FHIT: variants seen among roughly 807,000 people sequenced by gnomAD.
FHIT encodes bis(5'-adenosyl)-triphosphatase.
In FHIT, 19 loss-of-function variants were observed where a neutral mutation model predicts 17.9. The ratio of observed to expected loss-of-function variants is 1.06; its 90% CI spans 0.74 to 1.56. The LOEUF (loss-of-function observed/expected upper bound fraction) is 1.56, where lower values mean the gene tolerates loss of function less well. Among genes scored for constraint, FHIT ranks in the 40% most tolerant of loss-of-function variants. The pLI is 0.00. For synonymous variants in FHIT, 81 were observed against 69.7 expected (o/e 1.16, Z -0.81); for missense variants, 248 against 189.2 (o/e 1.31, Z -1.82).
intron 5 of FHIT, among the ~76,000 whole-genome samples, chr3:60,320,781 A>T (rs1709389983): frequency 1.3e-5 from 2 of 152,238 alleles, no homozygotes; most frequent in Non-Finnish European, 2.9e-5. Context: ...ACAATTAGGG[A>T]GATATAAATT....
intron 4 of FHIT, among the ~76,000 whole-genome samples, chr3:60,729,564 T>C (rs1467989521): frequency 6.6e-6 from 1 of 152,170 alleles, no homozygotes. Flanking sequence ...GCCATGAGCA[T>C]GCATAGAAAA....
chr3:60,284,589 AATTT>A (rs1707628920), intron 5 of FHIT, among the ~76,000 whole-genome samples: 1 of 152,038 alleles, frequency 6.6e-6, no homozygotes, highest in Non-Finnish European at 1.5e-5. Context: ...ACACTTTTTT[AATTT>A]ATTTTTCTCA....
intron 5 of FHIT, among the ~76,000 whole-genome samples, chr3:60,441,769 T>A (rs370231693): frequency 0.69 from 20,240 of 29,470 alleles, 6,438 homozygotes; most frequent in Admixed American, 0.77. Flanking sequence ...TATATATATA[T>A]TTATATGTAT....
At chr3:60,374,204 A>T (rs1411674764) in intron 5 of FHIT, among the ~76,000 whole-genome samples, 7 of 152,198 alleles carry the variant, frequency 4.6e-5, no homozygotes, top group Non-Finnish European at 1.0e-4. Flanking sequence ...TAACTAAAGG[A>T]GAATTAATAG....
intron 8 of FHIT, among the ~76,000 whole-genome samples, chr3:59,904,464 T>A (rs374112831): frequency 1.9e-4 from 29 of 152,268 alleles, no homozygotes; most frequent in African/African-American, 6.7e-4. Flanking sequence ...GACAAAATTA[T>A]GGGATTTCCC....
At chr3:60,569,944 C>A (rs1451456680) in intron 4 of FHIT, among the ~76,000 whole-genome samples, 2 of 151,662 alleles carry the variant, frequency 1.3e-5, no homozygotes, top group South Asian at 2.1e-4. Context: ...CCAAATGATA[C>A]AATTCAATGG....
intron 5 of FHIT, among the ~76,000 whole-genome samples, chr3:60,138,025 C>A (rs557710092): frequency 6.6e-6 from 1 of 152,226 alleles, no homozygotes; most frequent in East Asian, 1.9e-4. Context: ...GTTTGATGTT[C>A]TTAACCTTGT....
intron 7 of FHIT, among the ~76,000 whole-genome samples, chr3:59,952,116 T>C (rs370810217): frequency 3.9e-5 from 6 of 152,340 alleles, no homozygotes; most frequent in African/African-American, 1.2e-4. Context: ...ATTCCTTCTA[T>C]ATCCAGTCAA....
intron 5 of FHIT, among the ~76,000 whole-genome samples, chr3:60,453,905 G>A (rs1389018254): frequency 6.6e-6 from 1 of 152,140 alleles, no homozygotes; most frequent in African/African-American, 2.4e-5. Context: ...ATTCCGAACA[G>A]ACAAAAGTTT....
At chr3:61,082,852 C>T (rs1241714709) in intron 2 of FHIT, among the ~76,000 whole-genome samples, 1 of 152,062 alleles carries the variant, frequency 6.6e-6, no homozygotes, top group African/African-American at 2.4e-5. Flanking sequence ...AATTCATTGC[C>T]CTTTTTTCCA....
At chr3:61,244,785 A>G (rs2040451038) in intron 1 of FHIT, among the ~76,000 whole-genome samples, 1 of 152,194 alleles carries the variant, frequency 6.6e-6, no homozygotes, top group African/African-American at 2.4e-5. Flanking sequence ...TTCTTATTCA[A>G]TCATACTTCT....
At chr3:61,152,707 C>A (rs114203735) in intron 2 of FHIT, among the ~76,000 whole-genome samples, 1 of 151,908 alleles carries the variant, frequency 6.6e-6, no homozygotes, top group Non-Finnish European at 1.5e-5. Context: ...TGAAAAGCCA[C>A]GAAAGGACTT....
intron 5 of FHIT, among the ~76,000 whole-genome samples, chr3:60,028,780 A>G (rs906777136): frequency 2.0e-5 from 3 of 152,226 alleles, no homozygotes; most frequent in African/African-American, 7.2e-5. Context: ...GTAAAGACAA[A>G]CTTATTAACA....
At chr3:60,404,035 T>C (rs991411420) in intron 5 of FHIT, among the ~76,000 whole-genome samples, 1 of 152,208 alleles carries the variant, frequency 6.6e-6, no homozygotes, top group Non-Finnish European at 1.5e-5. Flanking sequence ...GCTTGGTTGC[T>C]GTCCACAACC....
chr3:61,149,016 C>T (rs1463412258), intron 2 of FHIT, among the ~76,000 whole-genome samples: 1 of 152,212 alleles, frequency 6.6e-6, no homozygotes. Context: ...CACTCTCAAT[C>T]TGTTAGTTTT....
At chr3:60,662,139 C>T (rs62249156) in intron 4 of FHIT, among the ~76,000 whole-genome samples, 15,019 of 152,148 alleles carry the variant, frequency 0.099, 954 homozygotes, top group Non-Finnish European at 0.13. Flanking sequence ...GAAGAGTTTT[C>T]CAATGTTATC....
At chr3:60,603,137 T>C (rs537946108) in intron 4 of FHIT, among the ~76,000 whole-genome samples, 1 of 152,276 alleles carries the variant, frequency 6.6e-6, no homozygotes, top group Middle Eastern at 3.4e-3. Context: ...ATGTAATCTC[T>C]CCTAGTGAAT....
chr3:61,211,766 C>T (rs1006943130), intron 1 of FHIT, among the ~76,000 whole-genome samples: 4 of 152,354 alleles, frequency 2.6e-5, no homozygotes, highest in African/African-American at 4.8e-5. Context: ...CAAGTAGGGG[C>T]TGACTGACAC....
chr3:59,989,689 G>A (rs116608784), intron 7 of FHIT, among the ~76,000 whole-genome samples: 2 of 152,012 alleles, frequency 1.3e-5, no homozygotes, highest in Non-Finnish European at 2.9e-5. Context: ...ATTGAGTTGG[G>A]TGTCTTCATA....
Sources: gnomAD v4.1 joint callset for allele counts (sites outside exome capture counted in the v4.1 genomes callset) on GRCh38, gnomAD v4.1.1 for gene constraint, MANE v1.5 for transcripts, NCBI Gene and HGNC (gene_info 2026-07-23, HGNC 2026-07-21) for gene names.